LINGO2: variants seen among roughly 807,000 people sequenced by gnomAD.
LINGO2 encodes leucine rich repeat and Ig domain containing 2, also known as leucine-rich repeat and immunoglobulin-like domain-containing nogo receptor-interacting protein 2.
Under a neutral mutation model 30.6 loss-of-function variants are expected in LINGO2, and 14 were observed. That is an observed-to-expected ratio of 0.46 (90% CI 0.30 to 0.72). The LOEUF (loss-of-function observed/expected upper bound fraction) is 0.72. LINGO2 is among the 30% of genes least tolerant of loss of function. LINGO2 has a pLI of 0.07. For synonymous variants in LINGO2, 317 were observed against 288.5 expected (o/e 1.10, Z -1.00); for missense variants, 729 against 751.7 (o/e 0.97, Z 0.35).
intron 2 of LINGO2, among the ~76,000 whole-genome samples, chr9:28,376,436 C>G (rs182449317): frequency 6.6e-6 from 1 of 152,256 alleles, no homozygotes; most frequent in Admixed American, 6.5e-5. Flanking sequence ...TTATATGATG[C>G]AAGTAGTGCC....
At chr9:28,158,238 A>C (rs1828190242) in intron 4 of LINGO2, among the ~76,000 whole-genome samples, 1 of 152,098 alleles carries the variant, frequency 6.6e-6, no homozygotes, top group African/African-American at 2.4e-5. Context: ...TTTTAAAACC[A>C]TCAGATCTCA....
the LINGO2 span, among the ~76,000 whole-genome samples, chr9:28,916,257 T>C: frequency 2.0e-5 from 3 of 152,186 alleles, no homozygotes; most frequent in Non-Finnish European, 4.4e-5. Context: ...TTCTTTGACA[T>C]ATTTTGAAAT....
At chr9:29,175,929 C>G in the LINGO2 span, among the ~76,000 whole-genome samples, 1 of 152,176 alleles carries the variant, frequency 6.6e-6, no homozygotes, top group East Asian at 1.9e-4. Flanking sequence ...TGCTTAATTT[C>G]ACAGAGGTAA....
chr9:28,570,658 G>C (rs1563832970), intron 1 of LINGO2, among the ~76,000 whole-genome samples: 2 of 151,064 alleles, frequency 1.3e-5, no homozygotes, highest in African/African-American at 4.9e-5. Flanking sequence ...AGCAGCATCT[G>C]TTTTTGTTGT....
intron 4 of LINGO2, among the ~76,000 whole-genome samples, chr9:28,085,317 C>G (rs565188292): frequency 1.3e-5 from 2 of 152,200 alleles, no homozygotes; most frequent in African/African-American, 4.8e-5. Flanking sequence ...AAGAGGGGCC[C>G]TTCCACCTGA....
chr9:28,875,865 G>A, the LINGO2 span, among the ~76,000 whole-genome samples: 1 of 151,738 alleles, frequency 6.6e-6, no homozygotes, highest in African/African-American at 2.4e-5. Flanking sequence ...ATATTTCCTG[G>A]TCCTAATGCT....
At chr9:28,846,747 G>T in the LINGO2 span, among the ~76,000 whole-genome samples, 3 of 147,704 alleles carry the variant, frequency 2.0e-5, no homozygotes, top group Non-Finnish European at 4.5e-5. Context: ...TCACTTCCCT[G>T]TTTCTATACT....
chr9:28,497,153 C>T (rs1017357138), intron 1 of LINGO2, among the ~76,000 whole-genome samples: 12 of 152,104 alleles, frequency 7.9e-5, no homozygotes, highest in African/African-American at 2.2e-4. Flanking sequence ...TTGCTCTTCT[C>T]GAGAAGTATC....
chr9:29,001,065 T>G, the LINGO2 span, among the ~76,000 whole-genome samples: 1 of 149,426 alleles, frequency 6.7e-6, no homozygotes, highest in South Asian at 2.1e-4. Flanking sequence ...CATTGTTCAG[T>G]AAAGATTTTG....
the LINGO2 span, among the ~76,000 whole-genome samples, chr9:29,044,702 T>C: frequency 2.0e-3 from 297 of 152,138 alleles, 2 homozygotes; most frequent in African/African-American, 6.7e-3. Context: ...TTAAATATAG[T>C]AGAGTGATTA....
the LINGO2 span, among the ~76,000 whole-genome samples, chr9:28,813,673 A>G: frequency 3.9e-5 from 6 of 152,346 alleles, no homozygotes; most frequent in East Asian, 9.6e-4. Flanking sequence ...ATAAACAGAC[A>G]AACAAGGTAA....
chr9:29,039,350 A>C, the LINGO2 span, among the ~76,000 whole-genome samples: 183 of 152,290 alleles, frequency 1.2e-3, 1 homozygote, highest in African/African-American at 4.3e-3. Flanking sequence ...AATAATGTTC[A>C]TAAGAGAAAA....
the LINGO2 span, among the ~76,000 whole-genome samples, chr9:29,016,900 C>T: frequency 2.6e-5 from 4 of 152,126 alleles, no homozygotes; most frequent in Non-Finnish European, 5.9e-5. Flanking sequence ...GTGTTTTCTT[C>T]TGTAGCTTGT....
At chr9:28,983,451 G>A in the LINGO2 span, among the ~76,000 whole-genome samples, 1 of 151,582 alleles carries the variant, frequency 6.6e-6, no homozygotes, top group African/African-American at 2.4e-5. Context: ...TAGCAAATAA[G>A]AAGAAATACA....
At chr9:28,938,873 C>T in the LINGO2 span, among the ~76,000 whole-genome samples, 4 of 151,966 alleles carry the variant, frequency 2.6e-5, no homozygotes, top group Admixed American at 2.6e-4. Flanking sequence ...TGATTTTGTC[C>T]ACTGTGTTTT....
At chr9:29,165,886 G>C in the LINGO2 span, among the ~76,000 whole-genome samples, 1 of 151,968 alleles carries the variant, frequency 6.6e-6, no homozygotes, top group African/African-American at 2.4e-5. Flanking sequence ...AATCCATCAA[G>C]GTTCATTTTA....
At chr9:28,542,303 G>T (rs896298978) in intron 1 of LINGO2, among the ~76,000 whole-genome samples, 1 of 151,866 alleles carries the variant, frequency 6.6e-6, no homozygotes, top group Admixed American at 6.6e-5. Flanking sequence ...CAAGCTATCT[G>T]CTGATAGCTC....
rs115048174 is a variant in LINGO2 at position 28,400,189 on chromosome 9, C to T, written c.-278-27321G>A. Among the ~76,000 whole-genome samples, 1,142 of 152,186 alleles carry T rather than the reference C, an allele frequency of 7.5e-3. 13 individuals carry two copies. Among genetic ancestry groups the T allele is most frequent in the African/African-American group, 0.026 (1,086 of 41,520 alleles). Reference sequence around the variant, plus strand: ...TACAATTATACCTTTGCACTATAGCCTATTTTGTGAAGAGAATTAATTTAT... The same window carrying T: ...TACAATTATACCTTTGCACTATAGCTTATTTTGTGAAGAGAATTAATTTAT... On this transcript the variant is annotated intron_variant, in intron 2 of 5. Coordinates refer to ENST00000379992, the Ensembl canonical transcript of LINGO2.
rs77447623 is a variant in LINGO2 at position 28,427,295 on chromosome 9, T to C, written c.-279+48645A>G. ...GATGGATAATGGGGCACTAGAGGGG[T>C]TTCTTGCAAGTGGTCCAGCCCACCT... On this transcript the variant is annotated intron_variant, in intron 2 of 5. Coordinates refer to ENST00000379992, the Ensembl canonical transcript of LINGO2. Among the ~76,000 whole-genome samples the C allele has an allele frequency of 8.0e-4, 122 of 152,030 alleles. 1 individual carries two copies. The East Asian group carries it at 0.022, about 28-fold the overall frequency.
Sources: allele counts gnomAD v4.1 joint callset (sites outside exome capture counted in the v4.1 genomes callset), GRCh38; gene constraint gnomAD v4.1.1; transcripts MANE v1.5; gene names NCBI Gene and HGNC (gene_info 2026-07-23, HGNC 2026-07-21).